CTSE: variants seen among roughly 807,000 people sequenced by gnomAD.
The protein encoded by CTSE is cathepsin E.
Under a neutral mutation model 42.8 loss-of-function variants are expected in CTSE, and 43 were observed. The observed-to-expected ratio is 1.01, with a 90% CI of 0.79 to 1.30. The LOEUF (loss-of-function observed/expected upper bound fraction) is 1.30. Ranked by LOEUF, CTSE falls within the 50% of genes most tolerant of loss-of-function variation. The probability of loss-of-function intolerance (pLI) is 0.00; values close to 1 mark genes in which losing one functional copy is unlikely to be tolerated. For missense variants in CTSE, 532 were observed against 493.5 expected (o/e 1.08, Z -0.74); for synonymous variants, 205 against 191.5 (o/e 1.07, Z -0.58).
intron 1 of CTSE, among the ~76,000 whole-genome samples, chr1:206,023,314 G>C (rs1404508723): frequency 6.6e-6 from 1 of 151,888 alleles, no homozygotes; most frequent in Admixed American, 6.6e-5. Context: ...TGAGATCTAG[G>C]AAAATGGGAG....
At chr1:206,010,969 G>A (rs1661078837) in intron 8 of CTSE, among the ~76,000 whole-genome samples, 1 of 152,048 alleles carries the variant, frequency 6.6e-6, no homozygotes, top group Admixed American at 6.5e-5. Flanking sequence ...GAAATGTGAA[G>A]TTGCTGATGA....
chr1:206,013,515 G>C (rs1661177087), intron 6 of CTSE, among the ~76,000 whole-genome samples: 1 of 151,988 alleles, frequency 6.6e-6, no homozygotes, highest in African/African-American at 2.4e-5. Flanking sequence ...AAGAACAAAG[G>C]GGAGCAGGCT....
Position 206,013,785 on chromosome 1 carries a change from T to C in CTSE, c.772A>G (p.Ile258Val). ...GGGAATACTCACTTATCCAGTGCAA[T>C]CTGCCAGTAAGCTTGCTTGGTGACT... ...VPVTKQAYWQIALDNIQVGGT... is the reference protein window; with the variant it reads ...VPVTKQAYWQVALDNIQVGGT... Residue 258 changes from isoleucine to valine, a missense_variant, in exon 6 of 9, where the codon ATT (isoleucine) becomes GTT (valine). Transcript: ENST00000358184. The C allele has an allele frequency of 6.2e-7, 1 of 1,613,832 alleles. No homozygotes were observed. The highest frequency in any genetic ancestry group is 8.5e-7 in the Non-Finnish European group (1 of 1,179,850).
At chr1:206,020,055 A>T (rs1403377741) in intron 4 of CTSE, among the ~76,000 whole-genome samples, 2 of 145,712 alleles carry the variant, frequency 1.4e-5, no homozygotes, top group African/African-American at 5.0e-5. Context: ...GTATTATATG[A>T]TATAATTATG....
At chr1:206,020,083 AAT>A (rs1661373354) in intron 4 of CTSE, among the ~76,000 whole-genome samples, 1 of 146,266 alleles carries the variant, frequency 6.8e-6, no homozygotes, top group Non-Finnish European at 1.5e-5. Context: ...TATATACTTT[AAT>A]ATGTTACATA....
At chr1:206,011,011 A>C (rs1314283590) in intron 8 of CTSE, among the ~76,000 whole-genome samples, 2 of 152,146 alleles carry the variant, frequency 1.3e-5, no homozygotes, top group South Asian at 4.1e-4. Flanking sequence ...GGGCTCAGGG[A>C]GACTTCTTGA....
chr1:206,023,151 A>AT, intron 1 of CTSE, 94 bp from the exon 2 acceptor site: 2 of 458,000 alleles, frequency 4.4e-6, no homozygotes, highest in East Asian at 6.2e-5. Context: ...ACTAGAGAAG[A>AT]TGGGGTGGGA....
rs1661247445 is a variant in CTSE at position 206,015,914 on chromosome 1, G to A, written c.662+17C>T. On this transcript the variant is annotated intron_variant, in intron 5 of 8. Transcript: ENST00000358184. ...AGTTATAACTGACTTTAACCTCACA[G>A]ACTTGATGGGCCTTACCTGCTCATG... 1 of 1,611,398 alleles carries A rather than the reference G, an allele frequency of 6.2e-7. No homozygotes were observed. The highest frequency in any genetic ancestry group is 1.1e-5 in the South Asian group (1 of 90,938).
intron 8 of CTSE, 93 bp from the exon 9 acceptor site, chr1:206,010,440 C>G (rs1661060446): frequency 1.7e-6 from 2 of 1,150,174 alleles, no homozygotes; most frequent in Non-Finnish European, 2.6e-6. Flanking sequence ...GTGGCTGGCA[C>G]TGGGTGGCCT....
At position 206,010,195 on chromosome 1, in the gene CTSE, T is replaced by C. The variant is rs782811618; in HGVS notation, c.1179A>G (p.Pro393=). ...ACAAGGCCCCTCCTTAGGGGACTGC[T>C]GGGGCCAGTCCCACACGGTTATTCC... ...DRGNNRVGLA[P]AVP The change falls in exon 9 of 9, where the codon CCA becomes CCG. Residue 393 remains proline (P), a synonymous_variant. Transcript: ENST00000358184. 3 of 1,613,684 alleles carry C rather than the reference T, an allele frequency of 1.9e-6. No individual in the cohort carries two copies. Among genetic ancestry groups the C allele is most frequent in the Non-Finnish European group, 2.5e-6 (3 of 1,179,748 alleles).
Position 206,013,812 on chromosome 1 carries a change from G to T in CTSE, c.745C>A (p.Pro249Thr), listed in dbSNP as rs145461754. Residue 249 changes from proline to threonine, a missense_variant, in exon 6 of 9, where the codon CCA becomes ACA. By Grantham distance (38) the Pro-to-Thr change is conservative. Transcript: ENST00000358184. ...TGCCAGTAAGCTTGCTTGGTGACTG[G>T]GACCCAATTCAGGCTCCCAGAGAAA... Reference protein sequence around the residue: ...SHFSGSLNWVPVTKQAYWQIA... With the variant: ...SHFSGSLNWVTVTKQAYWQIA... 34 of 1,613,632 alleles carry T rather than the reference G, an allele frequency of 2.1e-5. No individual in the cohort carries two copies. The highest frequency in any genetic ancestry group is 2.9e-5 in the Non-Finnish European group (34 of 1,179,854).
intron 4 of CTSE, among the ~76,000 whole-genome samples, chr1:206,018,570 T>A (rs569332188): frequency 1.3e-5 from 2 of 152,124 alleles, no homozygotes; most frequent in African/African-American, 4.8e-5. Flanking sequence ...TGGAAAGATT[T>A]TTTAATAACA....
chr1:206,021,162 G>A lies in CTSE; in HGVS notation c.349C>T (p.His117Tyr). Residue 117 changes from histidine (H) to tyrosine (Y), a missense_variant, in exon 4 of 9, where the codon CAC becomes TAC. Transcript: ENST00000358184. Reference sequence around the variant, plus strand: ...GACTGGGAAGGCTGGAACCTGCTGTGCGTCTCTGGAAAGAAGTGCACTGCT... The same window carrying A: ...GACTGGGAAGGCTGGAACCTGCTGTACGTCTCTGGAAAGAAGTGCACTGCT... The part of the protein sequence containing the change: ...VYCTSPACKT[H>Y]SRFQPSQSST... 3.1e-6 allele frequency: 5 copies of A among 1,611,144 alleles called. No individual in the cohort carries two copies. The highest frequency in any genetic ancestry group is 4.2e-6 in the Non-Finnish European group (5 of 1,177,404).
At position 206,022,176 on chromosome 1, in the gene CTSE, G is replaced by C. The variant is rs377729989; in HGVS notation, c.317C>G (p.Ser106Cys). 3 of 1,611,562 alleles carry C rather than the reference G, an allele frequency of 1.9e-6. No homozygotes were observed. The highest frequency in any genetic ancestry group is 1.7e-6 in the Non-Finnish European group (2 of 1,178,172). The part of the protein sequence containing the change: ...DTGSSNLWVP[S>C]VYCTSPACKT... ...GCAGGCTGGGCTAGTGCAGTACACA[G>C]AGGGGACCCAGAGGTTGGAGGAGCC... is the stretch of plus-strand genomic sequence containing the variant. The change falls in exon 3 of 9, where the codon TCT becomes TGT. Residue 106 changes from serine to cysteine, a missense_variant. By Grantham distance (112) the Ser-to-Cys change is moderately radical. Transcript: ENST00000358184.
At chr1:206,013,922 AG>A in intron 5 of CTSE, 28 bp from the exon 6 acceptor site, 1 of 1,611,932 alleles carries the variant, frequency 6.2e-7, no homozygotes, top group Non-Finnish European at 8.5e-7. Flanking sequence ...CAAACTGTCC[AG>A]GAAGGGCCAC....
At chr1:206,013,036 T>C (rs1307695569) in intron 6 of CTSE, among the ~76,000 whole-genome samples, 1 of 152,008 alleles carries the variant, frequency 6.6e-6, no homozygotes, top group Non-Finnish European at 1.5e-5. Context: ...CATAAATAGG[T>C]GAATTCCTAC....
Position 206,021,112 on chromosome 1 carries a change from T to C in CTSE, c.399A>G (p.Gln133=). 1 of 1,613,860 alleles carries C rather than the reference T, an allele frequency of 6.2e-7. No homozygotes were observed. The highest frequency in any genetic ancestry group is 8.5e-7 in the Non-Finnish European group (1 of 1,179,798). ...SQSSTYSQPG[Q]SFSIQYGTGS... The stretch of plus-strand genomic sequence containing the variant: ...CGGTTCCATACTGAATGGAGAAAGA[T>C]TGACCTGGCTGGCTGTATGTGCTGG... The change falls in exon 4 of 9, where the codon CAA becomes CAG. Residue 133 remains glutamine, a synonymous_variant. Coordinates refer to ENST00000358184, the MANE Select transcript of CTSE (RefSeq NM_001910.4).
chr1:206,012,367 C>T lies in CTSE; in HGVS notation c.967G>A (p.Val323Ile), dbSNP rs1661128447. Residue 323 changes from valine to isoleucine, a missense_variant, in exon 8 of 9, where the codon GTC becomes ATC. Val to Ile is a conservative substitution (Grantham distance 29, BLOSUM62 3). Coordinates refer to ENST00000358184, the MANE Select transcript of CTSE (RefSeq NM_001910.4). ...ECANLNVMPD[V>I]TFTINGVPYT... ...GGGACTCCGTTAATGGTGAAGGTGA[C>T]ATCCGGCATGACGTTAAGGTTGGCA... The T allele has an allele frequency of 6.2e-7, 1 of 1,613,982 alleles. No homozygotes were observed. The highest frequency in any genetic ancestry group is 8.5e-7 in the Non-Finnish European group (1 of 1,179,930).
At chr1:206,012,980 C>T (rs782121795) in intron 6 of CTSE, among the ~76,000 whole-genome samples, 1 of 152,024 alleles carries the variant, frequency 6.6e-6, no homozygotes, top group Non-Finnish European at 1.5e-5. Context: ...AGGTGTGAGC[C>T]ACCACACCTG....
Sources: allele counts gnomAD v4.1 joint callset (sites outside exome capture counted in the v4.1 genomes callset), GRCh38; gene constraint gnomAD v4.1.1; transcripts MANE v1.5; gene names NCBI Gene and HGNC (gene_info 2026-07-23, HGNC 2026-07-21).